Variants in IDNK observed in about 807,000 individuals in gnomAD.
The protein encoded by IDNK is gluconokinase.
In IDNK, 9 loss-of-function variants were observed where a neutral mutation model predicts 13.0. The observed-to-expected ratio is 0.69, with a 90% CI of 0.42 to 1.21. The LOEUF is 1.21. IDNK is among the 50% of genes most tolerant of loss of function. IDNK has a pLI of 0.00. For missense variants in IDNK, 210 were observed against 237.8 expected (o/e 0.88, Z 0.77); for synonymous variants, 92 against 94.9 (o/e 0.97, Z 0.18).
At chr9:83,631,969 GA>G (rs113684141) in intron 3 of IDNK, among the ~76,000 whole-genome samples, 28 of 147,532 alleles carry the variant, frequency 1.9e-4, no homozygotes, top group African/African-American at 4.7e-4. Flanking sequence ...CTTTTTTTGG[GA>G]AAAAAAAAAT....
In IDNK at chr9:83,643,715, A is replaced by T; in HGVS notation, c.499A>T (p.Ile167Leu). Residue 167 changes from isoleucine (I) to leucine (L), a missense_variant, in exon 5 of 5, where the codon ATA becomes TTA. Coordinates refer to ENST00000376419, the MANE Select transcript of IDNK (RefSeq NM_001001551.4). ...PPAAPENFIQISVDKNVSEII... is the reference protein window; with the variant it reads ...PPAAPENFIQLSVDKNVSEII... ...AGCAGCTCCAGAAAACTTTATCCAAATAAGTGTGGACAAAAATGTTTCAGA... is the reference window on the plus strand; with the variant it reads ...AGCAGCTCCAGAAAACTTTATCCAATTAAGTGTGGACAAAAATGTTTCAGA... 6.2e-7 allele frequency: 1 copy of T among 1,613,960 alleles called. No homozygotes were observed. The highest frequency in any genetic ancestry group is 8.5e-7 in the Non-Finnish European group (1 of 1,179,990).
rs183568253 is a variant in IDNK, at chr9:83,628,156, G to C, written c.51-25G>C. On this transcript the variant is annotated intron_variant, in intron 1 of 4. Coordinates refer to ENST00000376419, the MANE Select transcript of IDNK (RefSeq NM_001001551.4). ...TCCACACATTGGGCAGGGCAGTAAC[G>C]GGAACATCTGTGTCCTCTCCACAGA... 7 of 1,550,302 alleles carry C rather than the reference G, an allele frequency of 4.5e-6. No homozygotes were observed. In the East Asian group the frequency reaches 1.2e-4, roughly 27 times the overall value.
At chr9:83,631,954 G>A (rs1831028585) in intron 3 of IDNK, among the ~76,000 whole-genome samples, 1 of 150,180 alleles carries the variant, frequency 6.7e-6, no homozygotes, top group South Asian at 2.1e-4. Flanking sequence ...ATTGTAAAAA[G>A]AGGGCTTTTT....
chr9:83,623,924 AC>A (rs1292547858), intron 1 of IDNK, among the ~76,000 whole-genome samples: 1 of 152,234 alleles, frequency 6.6e-6, no homozygotes, highest in East Asian at 1.9e-4. Flanking sequence ...CAGCTGCTGT[AC>A]CATTCGACCA....
intron 3 of IDNK, among the ~76,000 whole-genome samples, chr9:83,639,659 A>T (rs557220950): frequency 4.6e-5 from 7 of 152,334 alleles, no homozygotes; most frequent in African/African-American, 1.7e-4. Flanking sequence ...TCAGTGAAAA[A>T]TATCAAGACT....
intron 1 of IDNK, among the ~76,000 whole-genome samples, chr9:83,627,559 C>G (rs1222754792): frequency 6.6e-6 from 1 of 152,086 alleles, no homozygotes; most frequent in African/African-American, 2.4e-5. Flanking sequence ...TACTGAGTCC[C>G]GAGCCCCTTT....
intron 1 of IDNK, among the ~76,000 whole-genome samples, chr9:83,625,808 G>A (rs1461793961): frequency 6.6e-6 from 1 of 152,166 alleles, no homozygotes; most frequent in Non-Finnish European, 1.5e-5. Flanking sequence ...GTTTGTTACT[G>A]TCTTCCCCCA....
chr9:83,639,112 A>G lies in IDNK; in HGVS notation c.169-2436A>G, dbSNP rs556134967. Among the ~76,000 whole-genome samples, 31 of 152,336 alleles carry G rather than the reference A, an allele frequency of 2.0e-4. No homozygotes were observed. The South Asian group carries it at 6.0e-3, about 29-fold the overall frequency. On this transcript the variant is annotated intron_variant, in intron 3 of 4. Coordinates refer to ENST00000376419, the MANE Select transcript of IDNK (RefSeq NM_001001551.4). ...CCACTCACATTTTTTACTATAATGA[A>G]CTGTAAATCAATAATAAAAATGCAC... is the stretch of plus-strand genomic sequence containing the variant.
intron 3 of IDNK, among the ~76,000 whole-genome samples, chr9:83,633,318 GAC>G (rs1300098945): frequency 3.3e-5 from 5 of 151,954 alleles, no homozygotes; most frequent in African/African-American, 1.2e-4. Flanking sequence ...CAGCCTGGGT[GAC>G]AGAGCAAGAC....
At position 83,643,622 on chromosome 9, in the gene IDNK, C is replaced by T. The variant is rs757876395; in HGVS notation, c.406C>T (p.Leu136Phe). Reference sequence around the variant, plus strand: ...GTTTGAGGTCATCTCTGGACGCTTACTCAAAAGAGAGGGACATTTTATGCC... The same window carrying T: ...GTTTGAGGTCATCTCTGGACGCTTATTCAAAAGAGAGGGACATTTTATGCC... ...GSFEVISGRL[L>F]KREGHFMPPE... The change falls in exon 5 of 5, where the codon CTC (leucine) becomes TTC (phenylalanine). Residue 136 changes from leucine (L) to phenylalanine (F), a missense_variant. Leu to Phe is a conservative substitution (Grantham distance 22). Transcript: ENST00000376419. 1.4e-5 allele frequency: 22 copies of T among 1,613,774 alleles called. No homozygotes were observed. In the East Asian group the frequency reaches 4.5e-4, roughly 33 times the overall value.
At chr9:83,631,838 A>G (rs1392424219) in intron 3 of IDNK, among the ~76,000 whole-genome samples, 2 of 152,160 alleles carry the variant, frequency 1.3e-5, no homozygotes, top group Non-Finnish European at 2.9e-5. Flanking sequence ...AATTAATAAT[A>G]AAGAATTTCA....
At chr9:83,643,281 C>T in intron 4 of IDNK, 148 bp from the exon 5 acceptor site, 1 of 630,114 alleles carries the variant, frequency 1.6e-6, no homozygotes, top group Non-Finnish European at 2.7e-6. Flanking sequence ...TAACTCGATG[C>T]TAGGACTGCC....
At position 83,629,017 on chromosome 9, in the gene IDNK, C is replaced by T. The variant is rs907561695; in HGVS notation, c.168+58C>T. ...TTCCACCTGGGTGACAGGATGAGCT[C>T]GCTACAGCACTTGCTGTAGTAGAGT... is the stretch of plus-strand genomic sequence containing the variant. On this transcript the variant is annotated intron_variant, in intron 3 of 4. Transcript: ENST00000376419. 4 of 1,390,062 alleles carry T rather than the reference C, an allele frequency of 2.9e-6. No homozygotes were observed. The Middle Eastern group carries it at 5.3e-4, about 185-fold the overall frequency. The allele number at this position is 1,390,062 out of a possible 1,614,324, so 86.1% of individuals were successfully genotyped here. A position where few individuals can be genotyped will look rare whatever the true frequency, so the allele number is the denominator to read the frequency against.
rs750632325 is a variant in IDNK at position 83,643,412 on chromosome 9, T to C, written c.213-17T>C. 4 of 1,563,348 alleles carry C rather than the reference T, an allele frequency of 2.6e-6. No individual in the cohort carries two copies. Among genetic ancestry groups the C allele is most frequent in the Non-Finnish European group, 3.5e-6 (4 of 1,155,090 alleles). ...CCTTCTTTAGCCTCCCTCTTTTTTT[T>C]TTCTTTTTCTAAACAGAGATGTAGC... On this transcript the variant is annotated splice_polypyrimidine_tract_variant and intron_variant, in intron 4 of 4. Transcript: ENST00000376419.
intron 3 of IDNK, among the ~76,000 whole-genome samples, chr9:83,632,557 C>CAAAAAAAA (rs61214533): frequency 3.8e-5 from 3 of 78,564 alleles, no homozygotes; most frequent in Non-Finnish European, 7.1e-5. Flanking sequence ...AGCTGATGAG[C>CAAAAAAAA]AAAAAAAAAA....
chr9:83,630,311 G>A (rs1306462289), intron 3 of IDNK, among the ~76,000 whole-genome samples: 4 of 152,156 alleles, frequency 2.6e-5, no homozygotes, highest in African/African-American at 9.7e-5. Flanking sequence ...ATAAAAGAGA[G>A]TAATAATAAT....
rs200650096 is a variant in IDNK, at chr9:83,641,360, A to C, written c.169-188A>C. ...TTTATTATTATGAAAAGAGCCACTG[A>C]CACCAGCTGAAAGAAAATGTTTCTG... On this transcript the variant is annotated intron_variant, in intron 3 of 4. Coordinates refer to ENST00000376419, the MANE Select transcript of IDNK (RefSeq NM_001001551.4). Among the ~76,000 whole-genome samples, 5 of 152,350 alleles carry C rather than the reference A, an allele frequency of 3.3e-5. No individual in the cohort carries two copies. In the East Asian group the frequency reaches 9.6e-4, roughly 29 times the overall value.
In IDNK at chr9:83,623,336, C is replaced by T. The variant is rs76971639; in HGVS notation, c.50+115C>T. On this transcript the variant is annotated intron_variant, in intron 1 of 4. Coordinates refer to ENST00000376419, the MANE Select transcript of IDNK (RefSeq NM_001001551.4). ...GGGTCTTGGGGACCCCCCACCCTTC[C>T]CTTTGCAGATGAAGAAACCGAGGCC... The T allele has an allele frequency of 1.1e-3, 1,091 of 1,001,666 alleles. 13 individuals carry two copies. In the African/African-American group the frequency reaches 0.016, roughly 15 times the overall value. The allele number at this position is 1,001,666 out of a possible 1,614,324, so 62.0% of individuals were successfully genotyped here.
rs1333914253 is a variant in IDNK at position 83,643,685 on chromosome 9, C to A, written c.469C>A (p.Pro157Thr). 4.3e-6 allele frequency: 7 copies of A among 1,613,546 alleles called. No individual in the cohort carries two copies. In the Admixed American group the frequency reaches 1.0e-4, roughly 23 times the overall value. ...LLQSQFETLE[P>T]PAAPENFIQI... ...GCAGTCCCAGTTTGAGACTCTGGAG[C>A]CCCCAGCAGCTCCAGAAAACTTTAT... is the stretch of plus-strand genomic sequence containing the variant. The change falls in exon 5 of 5, where the codon CCC (proline) becomes ACC (threonine). Residue 157 changes from proline (P) to threonine (T), a missense_variant. By Grantham distance (38) the Pro-to-Thr change is conservative. Transcript: ENST00000376419.
Sources: gnomAD v4.1 joint callset for allele counts (sites outside exome capture counted in the v4.1 genomes callset) on GRCh38, gnomAD v4.1.1 for gene constraint, MANE v1.5 for transcripts, NCBI Gene and HGNC (gene_info 2026-07-23, HGNC 2026-07-21) for gene names.